Variants in IFI16 observed in about 807,000 individuals in gnomAD.
IFI16 encodes interferon gamma inducible protein 16, also known as gamma-interferon-inducible protein 16.
IFI16 carries 49 observed loss-of-function variants against 68.4 expected under a neutral mutation model. The ratio of observed to expected loss-of-function variants is 0.72; its 90% CI spans 0.57 to 0.91. The LOEUF (loss-of-function observed/expected upper bound fraction) is 0.91. Ranked by LOEUF, IFI16 falls within the 40% of genes least tolerant of loss-of-function variation. The probability of loss-of-function intolerance (pLI) is 0.00; values close to 1 mark genes in which losing one functional copy is unlikely to be tolerated. For missense variants in IFI16, 878 were observed against 942.9 expected, an observed-to-expected ratio of 0.93 and a Z score of 0.90; for synonymous variants, 307 against 315.0, an observed-to-expected ratio of 0.97 and a Z score of 0.27.
chr1:159,049,691 T>C, intron 9 of IFI16, 92 bp downstream of exon 9: 1 of 1,455,948 alleles, frequency 6.9e-7, no homozygotes, highest in Non-Finnish European at 9.4e-7. Context: ...AATCCCCTAC[T>C]ACATACAATG....
At chr1:159,052,779 G>T (rs1190477523) in intron 10 of IFI16, 2 of 151,550 alleles carry the variant, frequency 1.3e-5, no homozygotes, top group Non-Finnish European at 2.9e-5. Flanking sequence ...AAAAAAGCTT[G>T]GTGAATTCTT....
chr1:159,009,602 T>TA (rs17550717), upstream of IFI16, among the ~76,000 whole-genome samples: 38 of 152,342 alleles, frequency 2.5e-4, no homozygotes, highest in East Asian at 5.8e-3. Flanking sequence ...AAGAAAGTTC[T>TA]AATGTTGGAA....
At chr1:159,038,509 T>G (rs972424467) in intron 7 of IFI16, among the ~76,000 whole-genome samples, 4 of 151,990 alleles carry the variant, frequency 2.6e-5, no homozygotes, top group Middle Eastern at 3.4e-3. Context: ...GGACTAAAGG[T>G]GCACGCTACC....
chr1:159,034,056 G>A (rs1654168961), intron 7 of IFI16, among the ~76,000 whole-genome samples: 1 of 152,208 alleles, frequency 6.6e-6, no homozygotes, highest in East Asian at 1.9e-4. Flanking sequence ...GCCAAGGTAA[G>A]TTCTTCAATA....
rs371129291 is a variant in IFI16, at chr1:159,015,249, A to G, written c.265+304A>G. On this transcript the variant is annotated intron_variant, in intron 2 of 11. Transcript: ENST00000295809. Reference sequence around the variant, plus strand: ...AGATTATATAATAATAAAATCATAAAAACTGTTTAAATTCAAGATATGTAC... The same window carrying G: ...AGATTATATAATAATAAAATCATAAGAACTGTTTAAATTCAAGATATGTAC... Among the ~76,000 whole-genome samples the G allele has an allele frequency of 3.9e-5, 6 of 152,338 alleles. No homozygotes were observed. The East Asian group carries it at 1.2e-3, about 29-fold the overall frequency.
At chr1:159,022,908 C>T (rs1444253103) in intron 6 of IFI16, among the ~76,000 whole-genome samples, 2 of 152,090 alleles carry the variant, frequency 1.3e-5, no homozygotes, top group Non-Finnish European at 2.9e-5. Context: ...CTTCTTTAAA[C>T]TTGTTTAATA....
At chr1:159,002,212 T>C (rs1238306879), upstream of IFI16, among the ~76,000 whole-genome samples, 2 of 152,156 alleles carry the variant, frequency 1.3e-5, no homozygotes, top group African/African-American at 4.8e-5. Context: ...AGACAGTACA[T>C]ATTACTGAAT....
At chr1:159,042,366 T>C (rs1342632762) in intron 7 of IFI16, among the ~76,000 whole-genome samples, 1 of 152,242 alleles carries the variant, frequency 6.6e-6, no homozygotes, top group Non-Finnish European at 1.5e-5. Flanking sequence ...TGCTATTTTT[T>C]CCTGAATAAT....
intron 1 of IFI16, among the ~76,000 whole-genome samples, chr1:159,013,159 A>G (rs886791553): frequency 2.2e-5 from 3 of 134,978 alleles, no homozygotes; most frequent in Admixed American, 1.7e-4. Context: ...CGTAAGAAGG[A>G]AGCTTTTTTT....
intron 6 of IFI16, among the ~76,000 whole-genome samples, chr1:159,022,553 A>C (rs1391284592): frequency 6.6e-6 from 1 of 152,132 alleles, no homozygotes; most frequent in Non-Finnish European, 1.5e-5. Flanking sequence ...AGAACTTTTT[A>C]AAAGAGGCAA....
chr1:159,003,906 C>T (rs1398800712), upstream of IFI16, among the ~76,000 whole-genome samples: 4 of 151,934 alleles, frequency 2.6e-5, no homozygotes, highest in Admixed American at 6.6e-5. Context: ...GTGATCCGCC[C>T]GCCTCAGCCT....
intron 8 of IFI16, among the ~76,000 whole-genome samples, chr1:159,046,194 G>A (rs2852696): frequency 0.8 from 120,756 of 150,966 alleles, 49,781 homozygotes; most frequent in Admixed American, 0.9. Flanking sequence ...AATGAACATA[G>A]TAAGAACAAA....
chr1:159,035,171 GGTTT>G (rs1276089655), intron 7 of IFI16, among the ~76,000 whole-genome samples: 3 of 151,228 alleles, frequency 2.0e-5, no homozygotes, highest in Admixed American at 6.6e-5. Context: ...ATTTTTTTTT[GGTTT>G]GTTTTCATTG....
At chr1:159,038,259 A>G (rs1430542869) in intron 7 of IFI16, among the ~76,000 whole-genome samples, 1 of 152,198 alleles carries the variant, frequency 6.6e-6, no homozygotes, top group Non-Finnish European at 1.5e-5. Flanking sequence ...ACAAGCCATA[A>G]TAAGGTGCAT....
rs1031425485 is a variant in IFI16, at chr1:159,048,134, T to A, written c.1498-1298T>A. On this transcript the variant is annotated intron_variant, in intron 8 of 11. Coordinates refer to ENST00000295809, the MANE Select transcript of IFI16 (RefSeq NM_001376587.1). ...TTCCTATATTACCTCCATACAAGAT[T>A]TCCATCAGCAAGGGCATCATAAAGC... Among the ~76,000 whole-genome samples, 3 of 150,812 alleles carry A rather than the reference T, an allele frequency of 2.0e-5. 1 individual carries two copies. The Admixed American group carries it at 2.0e-4, about 10-fold the overall frequency.
intron 10 of IFI16, chr1:159,053,135 T>TGG: frequency 1.3e-5 from 2 of 156,868 alleles, no homozygotes; most frequent in Admixed American, 6.4e-5. Flanking sequence ...GCAACATTCT[T>TGG]TCTCAAACTT....
chr1:159,043,067 G>A (rs2101902979), intron 7 of IFI16, among the ~76,000 whole-genome samples: 1 of 152,324 alleles, frequency 6.6e-6, no homozygotes, highest in East Asian at 1.9e-4. Context: ...CATGTCAGTT[G>A]AGGACAGGCT....
chr1:159,004,737 A>G (rs1282716762), upstream of IFI16, among the ~76,000 whole-genome samples: 1 of 152,224 alleles, frequency 6.6e-6, no homozygotes, highest in East Asian at 1.9e-4. Flanking sequence ...TGGAGAGTTC[A>G]TTACTGACAA....
chr1:159,037,111 A>T (rs1416958497), intron 7 of IFI16, among the ~76,000 whole-genome samples: 2 of 152,338 alleles, frequency 1.3e-5, no homozygotes, highest in East Asian at 3.9e-4. Context: ...CAAGGACAAA[A>T]TTGGACATCC....
Sources: gnomAD v4.1 joint callset for allele counts (sites outside exome capture counted in the v4.1 genomes callset) on GRCh38, gnomAD v4.1.1 for gene constraint, MANE v1.5 for transcripts, NCBI Gene and HGNC (gene_info 2026-07-23, HGNC 2026-07-21) for gene names.